FTCDNL1: variants seen among roughly 807,000 people sequenced by gnomAD.
FTCDNL1 encodes formiminotransferase N-terminal subdomain-containing protein.
A neutral mutation model predicts 5.9 loss-of-function variants in FTCDNL1; 11 were observed. The ratio of observed to expected loss-of-function variants is 1.87; its 90% CI spans 1.18 to 3.10. FTCDNL1 has a LOEUF of 3.10. FTCDNL1 is among the 30% of genes most tolerant of loss of function. The probability of loss-of-function intolerance (pLI) is 0.00; values close to 1 mark genes in which losing one functional copy is unlikely to be tolerated. For missense variants in FTCDNL1, 115 were observed against 65.5 expected (o/e 1.76, Z -2.61); for synonymous variants, 58 against 24.8 (o/e 2.34, Z -3.99).
At chr2:199,732,991 G>A in the FTCDNL1 span, among the ~76,000 whole-genome samples, 2 of 152,296 alleles carry the variant, frequency 1.3e-5, no homozygotes, top group East Asian at 1.9e-4. Context: ...AGAAGACAGG[G>A]AAATTATTAA....
chr2:199,748,271 T>C, the FTCDNL1 span, among the ~76,000 whole-genome samples: 2 of 152,200 alleles, frequency 1.3e-5, no homozygotes, highest in African/African-American at 4.8e-5. Context: ...AAAATTCTGA[T>C]GAAGTCATCT....
At chr2:199,683,143 G>A in the FTCDNL1 span, among the ~76,000 whole-genome samples, 1 of 152,118 alleles carries the variant, frequency 6.6e-6, no homozygotes, top group Non-Finnish European at 1.5e-5. Flanking sequence ...TAGATATGAT[G>A]CATCATCATC....
intron 3 of FTCDNL1, among the ~76,000 whole-genome samples, chr2:199,788,436 A>C (rs910052635): frequency 1.3e-5 from 2 of 152,234 alleles, no homozygotes; most frequent in Non-Finnish European, 2.9e-5. Flanking sequence ...TGATCTCGAC[A>C]ACTTGGAAAT....
intron 3 of FTCDNL1, among the ~76,000 whole-genome samples, chr2:199,844,980 G>A (rs1386788082): frequency 6.6e-6 from 1 of 151,658 alleles, no homozygotes; most frequent in Non-Finnish European, 1.5e-5. Context: ...CAAACTCCTG[G>A]CATCAGGCAA....
the FTCDNL1 span, among the ~76,000 whole-genome samples, chr2:199,727,357 C>G: frequency 6.6e-6 from 1 of 152,204 alleles, no homozygotes; most frequent in East Asian, 1.9e-4. Flanking sequence ...TGAGAGGCCA[C>G]CAAGAGTCTG....
chr2:199,730,585 G>GA, the FTCDNL1 span, among the ~76,000 whole-genome samples: 3 of 151,946 alleles, frequency 2.0e-5, no homozygotes, highest in East Asian at 5.8e-4. Context: ...ACAAACATGT[G>GA]AAAAAAAAGC....
chr2:199,816,575 G>A (rs1016259748), intron 4 of FTCDNL1, among the ~76,000 whole-genome samples: 1 of 152,136 alleles, frequency 6.6e-6, no homozygotes, highest in African/African-American at 2.4e-5. Context: ...AACAAAATAT[G>A]TACATATATA....
chr2:199,739,937 T>C, the FTCDNL1 span, among the ~76,000 whole-genome samples: 1 of 152,040 alleles, frequency 6.6e-6, no homozygotes, highest in Non-Finnish European at 1.5e-5. Flanking sequence ...TGGGACACGG[T>C]GGGGTTTGCG....
chr2:199,740,980 C>G, the FTCDNL1 span, among the ~76,000 whole-genome samples: 1 of 152,304 alleles, frequency 6.6e-6, no homozygotes, highest in African/African-American at 2.4e-5. Flanking sequence ...AGTCTTCATT[C>G]AGGCAGTCCT....
intron 3 of FTCDNL1, among the ~76,000 whole-genome samples, chr2:199,762,265 G>A (rs1280074788): frequency 1.3e-5 from 2 of 152,134 alleles, no homozygotes; most frequent in African/African-American, 4.8e-5. Context: ...TGTAGTCCCA[G>A]CTACTCAGGA....
chr2:199,788,959 TCAC>T (rs934718925), intron 3 of FTCDNL1, among the ~76,000 whole-genome samples: 1 of 150,668 alleles, frequency 6.6e-6, no homozygotes, highest in African/African-American at 2.4e-5. Context: ...TGAATATAAG[TCAC>T]CAAAATTACC....
intron 3 of FTCDNL1, among the ~76,000 whole-genome samples, chr2:199,786,593 C>A (rs1054679166): frequency 2.6e-5 from 4 of 152,154 alleles, no homozygotes; most frequent in Non-Finnish European, 5.9e-5. Context: ...TCCACTGTTA[C>A]AATTTCTAAA....
chr2:199,838,590 T>G (rs955014373), intron 3 of FTCDNL1, among the ~76,000 whole-genome samples: 1 of 152,156 alleles, frequency 6.6e-6, no homozygotes, highest in Non-Finnish European at 1.5e-5. Context: ...AAGCACCTGA[T>G]GCATCCCACA....
the FTCDNL1 span, among the ~76,000 whole-genome samples, chr2:199,709,828 T>G: frequency 6.6e-6 from 1 of 152,108 alleles, no homozygotes; most frequent in African/African-American, 2.4e-5. Context: ...AAAATAGGCA[T>G]TCTTTAGAGA....
chr2:199,797,283 G>A (rs1574538236), intron 3 of FTCDNL1, among the ~76,000 whole-genome samples: 2 of 152,290 alleles, frequency 1.3e-5, no homozygotes, highest in Admixed American at 1.3e-4. Context: ...TATGCAGCAG[G>A]TGAAATTCCA....
intron 3 of FTCDNL1, among the ~76,000 whole-genome samples, chr2:199,787,660 T>C (rs565259141): frequency 6.6e-6 from 1 of 152,288 alleles, no homozygotes; most frequent in East Asian, 1.9e-4. Context: ...GAGAGAAGCA[T>C]TCTTTGAAAA....
chr2:199,752,736 C>CTGTGTG, the FTCDNL1 span, among the ~76,000 whole-genome samples: 1 of 25,596 alleles, frequency 3.9e-5, no homozygotes, highest in Non-Finnish European at 2.1e-4. Flanking sequence ...CTATCTCTCT[C>CTGTGTG]TCTCTGTGTG....
chr2:199,672,322 G>A, the FTCDNL1 span, among the ~76,000 whole-genome samples: 2 of 151,968 alleles, frequency 1.3e-5, no homozygotes, highest in South Asian at 2.1e-4. Context: ...CAAAAAAATG[G>A]GAATAAAATT....
At chr2:199,731,732 C>G in the FTCDNL1 span, among the ~76,000 whole-genome samples, 2 of 151,932 alleles carry the variant, frequency 1.3e-5, no homozygotes, top group Non-Finnish European at 2.9e-5. Context: ...ACTAAAAATA[C>G]AAAAAATTAG....
Sources: allele counts gnomAD v4.1 joint callset (sites outside exome capture counted in the v4.1 genomes callset), GRCh38; gene constraint gnomAD v4.1.1; transcripts MANE v1.5; gene names NCBI Gene and HGNC (gene_info 2026-07-23, HGNC 2026-07-21).